SORBS3: variants seen among roughly 807,000 people sequenced by gnomAD.
The protein encoded by SORBS3 is vinexin.
Under a neutral mutation model 98.0 loss-of-function variants are expected in SORBS3, and 69 were observed. That is an observed-to-expected ratio of 0.70 (90% CI 0.58 to 0.86). The LOEUF is 0.86. Among genes scored for constraint, SORBS3 ranks in the 40% least tolerant of loss-of-function variants. The pLI, the probability that SORBS3 is intolerant of heterozygous loss-of-function variation, is 0.00. For synonymous variants in SORBS3, 394 were observed against 355.4 expected, an observed-to-expected ratio of 1.11 and a Z score of -1.22; for missense variants, 954 against 908.5, an observed-to-expected ratio of 1.05 and a Z score of -0.64.
At chr8:22,555,849 CAAAACA>C (rs1840172575) in intron 3 of SORBS3, among the ~76,000 whole-genome samples, 1 of 152,128 alleles carries the variant, frequency 6.6e-6, no homozygotes, top group Admixed American at 6.5e-5. Context: ...AAAACTGTCT[CAAAACA>C]AAAACAAAAA....
intron 10 of SORBS3, 70 bp from the exon 11 acceptor site, chr8:22,565,198 G>C (rs572642942): frequency 2.0e-6 from 3 of 1,492,582 alleles, no homozygotes; most frequent in African/African-American, 2.8e-5. Context: ...TTTCACAGTC[G>C]ATCTTTGACC....
chr8:22,564,684 A>C, intron 10 of SORBS3, 163 bp downstream of exon 10: 2 of 1,374,664 alleles, frequency 1.5e-6, no homozygotes, highest in African/African-American at 1.5e-5. Flanking sequence ...TGGCTGGCAT[A>C]CAGGAGGCGC....
At position 22,552,091 on chromosome 8, in the gene SORBS3, G is replaced by A. The variant is rs1024508100; in HGVS notation, c.-56+69G>A. 39 of 982,796 alleles carry A rather than the reference G, an allele frequency of 4.0e-5. 1 individual carries two copies. The highest frequency in any genetic ancestry group is 2.8e-4 in the South Asian group (6 of 21,254). 60.9% of individuals were successfully genotyped at this position (982,796 alleles called of 1,614,324 possible). On this transcript the variant is annotated intron_variant, in intron 1 of 20. Transcript: ENST00000240123. ...GGAGGGATCCGTGCCCAACCCCAGG[G>A]AATCGCACCTAGCCCCTCCCCGGGG...
chr8:22,574,970 A>C lies in SORBS3; in HGVS notation c.*242A>C. On this transcript the variant is annotated 3_prime_UTR_variant, in exon 21 of 21. Coordinates refer to ENST00000240123, the MANE Select transcript of SORBS3 (RefSeq NM_005775.5). ...TTCCTCCCCACCCCACTCCCCAAAT[A>C]CAGAGGTCTGCTTTGAAGCGGAGAC... The C allele has an allele frequency of 4.7e-6, 3 of 644,378 alleles. No individual in the cohort carries two copies. Among genetic ancestry groups the C allele is most frequent in the East Asian group, 3.1e-5 (1 of 31,968 alleles). The allele number at this position is 644,378 out of a possible 1,614,324, so 39.9% of individuals were successfully genotyped here.
At chr8:22,562,017 C>A in intron 7 of SORBS3, 86 bp downstream of exon 7, 2 of 1,294,172 alleles carry the variant, frequency 1.5e-6, no homozygotes, top group Non-Finnish European at 1.1e-6. Context: ...GTGACCACAG[C>A]CGGCACAGCC....
At position 22,552,841 on chromosome 8, in the gene SORBS3, G is replaced by A. The variant is rs530323325; in HGVS notation, c.-56+819G>A. On this transcript the variant is annotated intron_variant, in intron 1 of 20. Transcript: ENST00000240123. ...TCCCCCCCGCAAGGGGAGGTGGAGTGTGGGGACTGGGGTGTGTCTGCCTGT... is the reference window on the plus strand; with the variant it reads ...TCCCCCCCGCAAGGGGAGGTGGAGTATGGGGACTGGGGTGTGTCTGCCTGT... Among the ~76,000 whole-genome samples the A allele has an allele frequency of 1.6e-4, 25 of 152,320 alleles. 1 individual carries two copies. The East Asian group carries it at 4.1e-3, about 25-fold the overall frequency.
At position 22,571,125 on chromosome 8, in the gene SORBS3, G is replaced by C; in HGVS notation, c.1647G>C (p.Leu549=). ...GTCACCCCAGCTCCCCCTCAGCCCT[G>C]CGCAGCCCAGCTGACCCCATCGACT... ...SARHPSSPSA[L]RSPADPIDLG... Residue 549 remains leucine (L), a synonymous_variant, in exon 18 of 21, where the codon CTG becomes CTC. Transcript: ENST00000240123. 6.2e-7 allele frequency: 1 copy of C among 1,605,890 alleles called. No individual in the cohort carries two copies.
intron 11 of SORBS3, 177 bp downstream of exon 11, chr8:22,565,531 A>C: frequency 1.7e-6 from 1 of 574,780 alleles, no homozygotes; most frequent in Non-Finnish European, 2.6e-6. Flanking sequence ...CATAAATAAA[A>C]TACAGGGCGT....
At position 22,575,617 on chromosome 8, in the gene SORBS3, G is replaced by A. The variant is rs995142075; in HGVS notation, c.*889G>A. ...GGGACAGGTGTGTGTGTAAGAGGAGGAGGATGGAAAAACACCATTATTACC... is the reference window on the plus strand; with the variant it reads ...GGGACAGGTGTGTGTGTAAGAGGAGAAGGATGGAAAAACACCATTATTACC... On this transcript the variant is annotated 3_prime_UTR_variant, in exon 21 of 21. Coordinates refer to ENST00000240123, the MANE Select transcript of SORBS3 (RefSeq NM_005775.5). The A allele has an allele frequency of 1.3e-5, 2 of 152,390 alleles. No homozygotes were observed. Among genetic ancestry groups the A allele is most frequent in the Admixed American group, 6.5e-5 (1 of 15,278 alleles). 9.4% of individuals were successfully genotyped at this position (152,390 alleles called of 1,614,324 possible).
chr8:22,571,276 C>G, intron 18 of SORBS3, 55 bp downstream of exon 18: 1 of 1,046,060 alleles, frequency 9.6e-7, no homozygotes, highest in Non-Finnish European at 1.4e-6. Flanking sequence ...CCTCATCCCC[C>G]ACCCCCGTGA....
At position 22,561,393 on chromosome 8, in the gene SORBS3, C is replaced by A; in HGVS notation, c.517+20C>A. On this transcript the variant is annotated intron_variant, in intron 6 of 20. Transcript: ENST00000240123. Reference sequence around the variant, plus strand: ...CCAGAGGTGAGGGGATGCGGGCCCACCTGCCTGCCATAGCCCTGCGCCTGC... The same window carrying A: ...CCAGAGGTGAGGGGATGCGGGCCCAACTGCCTGCCATAGCCCTGCGCCTGC... 1 of 1,612,722 alleles carries A rather than the reference C, an allele frequency of 6.2e-7. No homozygotes were observed. Among genetic ancestry groups the A allele is most frequent in the Non-Finnish European group, 8.5e-7 (1 of 1,179,456 alleles).
intron 18 of SORBS3, among the ~76,000 whole-genome samples, 185 bp downstream of exon 18, chr8:22,571,406 G>A (rs1840581014): frequency 6.6e-6 from 1 of 152,242 alleles, no homozygotes; most frequent in East Asian, 1.9e-4. Context: ...CCGAGCTCTA[G>A]CCGAGGGAGC....
At chr8:22,560,839 G>GTGTT (rs1563822028) in intron 5 of SORBS3, 1 of 88,854 alleles carries the variant, frequency 1.1e-5, no homozygotes, top group South Asian at 3.7e-4. Flanking sequence ...ATGCGTGTGT[G>GTGTT]TGTGTGTGTG....
chr8:22,548,591 GGGA>G (rs776895906), upstream of SORBS3, among the ~76,000 whole-genome samples: 2 of 152,146 alleles, frequency 1.3e-5, no homozygotes, highest in Non-Finnish European at 2.9e-5. Flanking sequence ...TTCATCCCTG[GGGA>G]GGAGAAGAAA....
intron 11 of SORBS3, chr8:22,565,617 T>G: frequency 2.2e-6 from 2 of 915,930 alleles, no homozygotes; most frequent in Non-Finnish European, 2.8e-6. Context: ...GCCCGCCCCG[T>G]CCGGCCCCCG....
chr8:22,551,044 A>G (rs1304434383), upstream of SORBS3, among the ~76,000 whole-genome samples: 1 of 152,222 alleles, frequency 6.6e-6, no homozygotes, highest in African/African-American at 2.4e-5. The surrounding 1 kb of genome is among the most constrained non-coding windows in gnomAD (Gnocchi z 5.8). Flanking sequence ...CCCAGCTCAG[A>G]GCAGCGAGAA....
At position 22,564,890 on chromosome 8, in the gene SORBS3, C is replaced by A. The variant is rs889139472; in HGVS notation, c.816+369C>A. 38 of 1,038,486 alleles carry A rather than the reference C, an allele frequency of 3.7e-5. No homozygotes were observed. The East Asian group carries it at 9.8e-4, about 27-fold the overall frequency. 64.3% of individuals were successfully genotyped at this position (1,038,486 alleles called of 1,614,324 possible). On this transcript the variant is annotated intron_variant, in intron 10 of 20. Transcript: ENST00000240123. Reference sequence around the variant, plus strand: ...AGCGTGGGGGTGGGGGCTCCGGTCCCTGGGGTGGCGGGGGAACCTGGATGG... The same window carrying A: ...AGCGTGGGGGTGGGGGCTCCGGTCCATGGGGTGGCGGGGGAACCTGGATGG...
intron 1 of SORBS3, among the ~76,000 whole-genome samples, chr8:22,552,636 G>C (rs1586887304): frequency 6.6e-6 from 1 of 152,194 alleles, no homozygotes; most frequent in African/African-American, 2.4e-5. Context: ...CAAGAGAGCA[G>C]TTCTCACCGA....
chr8:22,575,247 C>A lies in SORBS3; in HGVS notation c.*519C>A. On this transcript the variant is annotated 3_prime_UTR_variant, in exon 21 of 21. Coordinates refer to ENST00000240123, the MANE Select transcript of SORBS3 (RefSeq NM_005775.5). The stretch of plus-strand genomic sequence containing the variant: ...TGGGGGGGCGGAGCAAGGCGGGGGA[C>A]AGACGCAGCACCTTCTTAGCGATCT... 3.2e-6 allele frequency: 1 copy of A among 311,566 alleles called. No homozygotes were observed. The highest frequency in any genetic ancestry group is 6.3e-6 in the Non-Finnish European group (1 of 158,094). The allele number at this position is 311,566 out of a possible 1,614,324, so 19.3% of individuals were successfully genotyped here. A position where few individuals can be genotyped will look rare whatever the true frequency, so the allele number is the denominator to read the frequency against.
Sources: allele counts gnomAD v4.1 joint callset (sites outside exome capture counted in the v4.1 genomes callset), GRCh38; gene constraint gnomAD v4.1.1; non-coding constraint Gnocchi (gnomAD v3.1); transcripts MANE v1.5; gene names NCBI Gene and HGNC (gene_info 2026-07-23, HGNC 2026-07-21).